ADH1A: variants seen among roughly 807,000 people sequenced by gnomAD.
ADH1A encodes alcohol dehydrogenase 1A (class I), alpha polypeptide.
A neutral mutation model predicts 35.2 loss-of-function variants in ADH1A; 29 were observed. The observed-to-expected ratio is 0.82, with a 90% CI of 0.61 to 1.12. ADH1A has a LOEUF of 1.12. ADH1A is among the 50% of genes most tolerant of loss of function. The probability of loss-of-function intolerance (pLI) is 0.00; values close to 1 mark genes in which losing one functional copy is unlikely to be tolerated. For synonymous variants in ADH1A, 147 were observed against 164.8 expected (o/e 0.89, Z 0.83); for missense variants, 469 against 464.7 (o/e 1.01, Z -0.09).
intron 3 of ADH1A, among the ~76,000 whole-genome samples, chr4:99,286,021 C>CAAAAAAAAA (rs397938892): frequency 1.2e-5 from 1 of 85,268 alleles, no homozygotes; most frequent in East Asian, 4.7e-4. Flanking sequence ...GACTCCGTCT[C>CAAAAAAAAA]AAAAAAAAAA....
chr4:99,279,602 G>C (rs751480474), intron 7 of ADH1A, 38 bp from the exon 8 acceptor site: 3 of 1,577,558 alleles, frequency 1.9e-6, no homozygotes, highest in South Asian at 2.4e-5. Flanking sequence ...ATTCAACCAG[G>C]GTAAGTAGGA....
At chr4:99,287,916 C>T (rs945845665) in intron 1 of ADH1A, among the ~76,000 whole-genome samples, 2 of 152,138 alleles carry the variant, frequency 1.3e-5, no homozygotes, top group Non-Finnish European at 2.9e-5. Flanking sequence ...TAAGGCCATC[C>T]TTATGTTGTT....
intron 5 of ADH1A, 38 bp from the exon 6 acceptor site, chr4:99,282,644 C>T (rs767694404): frequency 1.1e-5 from 17 of 1,598,844 alleles, no homozygotes; most frequent in Middle Eastern, 1.7e-4. Context: ...ATTATAAAAA[C>T]TTTATAAAGT....
intron 1 of ADH1A, among the ~76,000 whole-genome samples, chr4:99,288,198 C>T (rs576039605): frequency 1.3e-5 from 2 of 152,300 alleles, no homozygotes; most frequent in Admixed American, 1.3e-4. Flanking sequence ...TTAATTTTCT[C>T]TCTCCACCAC....
In ADH1A at chr4:99,276,568, A is replaced by C. The variant is rs777352721; in HGVS notation, c.*56T>G. The C allele has an allele frequency of 1.1e-5, 17 of 1,487,498 alleles. No homozygotes were observed. Among genetic ancestry groups the C allele is most frequent in the Non-Finnish European group, 1.6e-5 (17 of 1,065,862 alleles). 92.1% of individuals were successfully genotyped at this position (1,487,498 alleles called of 1,614,324 possible). A position where few individuals can be genotyped will look rare whatever the true frequency, so the allele number is the denominator to read the frequency against. On this transcript the variant is annotated 3_prime_UTR_variant, in exon 9 of 9. Coordinates refer to ENST00000209668, the MANE Select transcript of ADH1A (RefSeq NM_000667.4). Reference sequence around the variant, plus strand: ...TGATATTTCCCAGCTGTTGCTCCAGATCATGTAGGGTAGAGGAGGCTGAAG... The same window carrying C: ...TGATATTTCCCAGCTGTTGCTCCAGCTCATGTAGGGTAGAGGAGGCTGAAG...
In ADH1A at chr4:99,280,152, A is replaced by G. The variant is rs1560516955; in HGVS notation, c.956T>C (p.Ile319Thr). The G allele has an allele frequency of 6.2e-7, 1 of 1,613,944 alleles. No homozygotes were observed. The highest frequency in any genetic ancestry group is 8.5e-7 in the Non-Finnish European group (1 of 1,179,832). The change falls in exon 7 of 9, where the codon ATT becomes ACT. Residue 319 changes from isoleucine (I) to threonine (T), a missense_variant. Ile to Thr is a moderately conservative substitution (Grantham distance 89, BLOSUM62 -1). Transcript: ENST00000209668. ...LLTGRTWKGA[I>T]LGGFKSKECV... ...GAAGCCTAACTACATACCACCAAGA[A>G]TAGCTCCCTTCCAGGTACGTCCAGT... is the stretch of plus-strand genomic sequence containing the variant.
At position 99,276,645 on chromosome 4, in the gene ADH1A, G is replaced by T. The variant is rs1444312365; in HGVS notation, c.1107C>A (p.Ile369=). Residue 369 remains isoleucine (I), a synonymous_variant, in exon 9 of 9, where the codon ATC becomes ATA. Transcript: ENST00000209668. ...GFDLLHSGKS[I]RTILMF ...TGTCTCAAAACATCAGAATGGTACG[G>T]ATACTGCAATAGGAAAGAAGAGACA... 7 of 1,612,126 alleles carry T rather than the reference G, an allele frequency of 4.3e-6. No individual in the cohort carries two copies. The Admixed American group carries it at 1.2e-4, about 27-fold the overall frequency.
At chr4:99,285,190 A>C (rs1213327177) in intron 3 of ADH1A, among the ~76,000 whole-genome samples, 1 of 152,246 alleles carries the variant, frequency 6.6e-6, no homozygotes, top group Non-Finnish European at 1.5e-5. Context: ...AGTAGGGTAT[A>C]ATAGTTCCAC....
rs771224553 is a variant in ADH1A at position 99,280,146 on chromosome 4, C to T, written c.962G>A (p.Gly321Asp). 1 of 1,613,800 alleles carries T rather than the reference C, an allele frequency of 6.2e-7. No individual in the cohort carries two copies. The highest frequency in any genetic ancestry group is 1.1e-5 in the South Asian group (1 of 91,062). ...GGCTCTGAAGCCTAACTACATACCA[C>T]CAAGAATAGCTCCCTTCCAGGTACG... ...TGRTWKGAIL[G>D]GFKSKECVPK... Residue 321 changes from glycine (G) to aspartate (D), a missense_variant and splice_region_variant, in exon 7 of 9, where the codon GGT becomes GAT. Transcript: ENST00000209668.
chr4:99,282,596 C>T lies in ADH1A; in HGVS notation c.578G>A (p.Gly193Asp), dbSNP rs1350903571. ...SAVNVAKVTP[G>D]STCAVFGLGG... ...CAGGCCAAACACAGCACAGGTAGAG[C>T]CTGGGGTGACCTGTGTTTTCAGAAA... The change falls in exon 6 of 9, where the codon GGC becomes GAC. Residue 193 changes from glycine (G) to aspartate (D), a missense_variant. By Grantham distance (94) the Gly-to-Asp change is moderately conservative. Transcript: ENST00000209668. The T allele has an allele frequency of 4.3e-6, 7 of 1,610,872 alleles. No individual in the cohort carries two copies. The highest frequency in any genetic ancestry group is 2.2e-5 in the East Asian group (1 of 44,854).
chr4:99,279,637 TA>T, intron 7 of ADH1A, 73 bp from the exon 8 acceptor site: 3 of 1,527,720 alleles, frequency 2.0e-6, no homozygotes, highest in Non-Finnish European at 2.7e-6. Flanking sequence ...ATTTTCCAAA[TA>T]AATGAAAGTT....
intron 2 of ADH1A, 38 bp downstream of exon 2, chr4:99,287,526 T>G (rs1282452925): frequency 6.3e-7 from 1 of 1,587,404 alleles, no homozygotes; most frequent in Admixed American, 1.8e-5. Context: ...TTTTCTGAGT[T>G]TTTAAAACTT....
chr4:99,289,791 CAT>C (rs1733246032), intron 1 of ADH1A, among the ~76,000 whole-genome samples: 2 of 152,110 alleles, frequency 1.3e-5, no homozygotes, highest in Admixed American at 1.3e-4. Context: ...TGTAGGAACT[CAT>C]TATTTCTTTT....
At chr4:99,286,642 T>C (rs1733158593) in intron 3 of ADH1A, 1 of 762,584 alleles carries the variant, frequency 1.3e-6, no homozygotes, top group South Asian at 2.0e-5. Context: ...GCTCAGTACA[T>C]AATTGTTGAA....
At position 99,280,296 on chromosome 4, in the gene ADH1A, A is replaced by C. The variant is rs201819088; in HGVS notation, c.829-17T>G. 6.2e-7 allele frequency: 1 copy of C among 1,612,666 alleles called. No homozygotes were observed. The highest frequency in any genetic ancestry group is 2.2e-5 in the East Asian group (1 of 44,872). On this transcript the variant is annotated splice_polypyrimidine_tract_variant and intron_variant, in intron 6 of 8. Transcript: ENST00000209668. ...GGAAGCCATCTGGAATAAAGTGAAC[A>C]CTTAGCATTCTTAACATGGAGTCGC...
At chr4:99,276,965 T>C (rs1197070117) in intron 8 of ADH1A, among the ~76,000 whole-genome samples, 1 of 152,160 alleles carries the variant, frequency 6.6e-6, no homozygotes, top group Non-Finnish European at 1.5e-5. Context: ...AAAACAACAA[T>C]GGATAATAAC....
rs369606893 is a variant in ADH1A, at chr4:99,276,715, C to G, written c.1104-67G>C. 2.7e-5 allele frequency: 39 copies of G among 1,433,684 alleles called. 1 individual carries two copies. The highest frequency in any genetic ancestry group is 3.7e-5 in the Non-Finnish European group (38 of 1,016,550). The allele number at this position is 1,433,684 out of a possible 1,614,324, so 88.8% of individuals were successfully genotyped here. On this transcript the variant is annotated intron_variant, in intron 8 of 8. Coordinates refer to ENST00000209668, the MANE Select transcript of ADH1A (RefSeq NM_000667.4). ...TGCTTCCATGTGAGAGTCCAAGGAG[C>G]ATTTGAAATGACTTAGTGAAAATCT... is the stretch of plus-strand genomic sequence containing the variant.
At chr4:99,287,342 C>A (rs1733177882) in intron 2 of ADH1A, among the ~76,000 whole-genome samples, 1 of 152,110 alleles carries the variant, frequency 6.6e-6, no homozygotes, top group Admixed American at 6.5e-5. Flanking sequence ...TGATATATAT[C>A]ACTTTGAAAT....
At chr4:99,278,748 G>T (rs1443887961) in intron 8 of ADH1A, among the ~76,000 whole-genome samples, 1 of 152,228 alleles carries the variant, frequency 6.6e-6, no homozygotes, top group East Asian at 1.9e-4. Flanking sequence ...GTAAATGCAG[G>T]TGACAAAATT....
Sources: gnomAD v4.1 joint callset for allele counts (sites outside exome capture counted in the v4.1 genomes callset) on GRCh38, gnomAD v4.1.1 for gene constraint, MANE v1.5 for transcripts, NCBI Gene and HGNC (gene_info 2026-07-23, HGNC 2026-07-21) for gene names.